The following STPG2 variants were observed in gnomAD, a reference collection of about 807,000 sequenced individuals.
The protein encoded by STPG2 is sperm tail PG-rich repeat containing 2, also known as sperm-tail PG-rich repeat-containing protein 2.
In STPG2, 56 loss-of-function variants were observed where a neutral mutation model predicts 54.2. The ratio of observed to expected loss-of-function variants is 1.03; its 90% CI spans 0.83 to 1.29. The LOEUF is 1.29. STPG2 is among the 50% of genes most tolerant of loss of function. The pLI, the probability that STPG2 is intolerant of heterozygous loss-of-function variation, is 0.00. For missense variants in STPG2, 596 were observed against 544.9 expected (o/e 1.09, Z -0.93); for synonymous variants, 200 against 181.8 (o/e 1.10, Z -0.81).
At chr4:97,987,186 A>G (rs1259579153) in intron 5 of STPG2, among the ~76,000 whole-genome samples, 1 of 152,198 alleles carries the variant, frequency 6.6e-6, no homozygotes, top group Non-Finnish European at 1.5e-5. Flanking sequence ...TTAGCAAAGC[A>G]GCCCTTGAAC....
chr4:97,774,854 C>T (rs1246347201), intron 9 of STPG2, among the ~76,000 whole-genome samples: 1 of 152,096 alleles, frequency 6.6e-6, no homozygotes. Context: ...AAAATGGCTA[C>T]TGAGGTTCCA....
chr4:97,634,804 G>T (rs1241653577), intron 10 of STPG2, among the ~76,000 whole-genome samples: 1 of 151,666 alleles, frequency 6.6e-6, no homozygotes, highest in African/African-American at 2.4e-5. Flanking sequence ...AGAATAAAAA[G>T]AAATGAGCAA....
chr4:97,981,991 T>C (rs1193248604), intron 5 of STPG2, among the ~76,000 whole-genome samples: 2 of 151,596 alleles, frequency 1.3e-5, no homozygotes, highest in African/African-American at 2.4e-5. Context: ...TTCACACCAT[T>C]TTCCCGCCTC....
At position 97,486,829 on chromosome 4, in the gene STPG2, G is replaced by GTGTA. The variant is rs1490371230; in HGVS notation, c.462+225869_462+225870insTACA. On this transcript the variant is annotated intron_variant, in intron 4 of 4. Transcript: ENST00000522676. ...GGTGTGTGTGTGTGTGTGTGTGTGT[G>GTGTA]TATATATATATATATATATGTATGT... Among the ~76,000 whole-genome samples the GTGTA allele has an allele frequency of 5.9e-3, 532 of 90,242 alleles. 3 individuals are homozygous for GTGTA. Among genetic ancestry groups the GTGTA allele is most frequent in the East Asian group, 0.044 (136 of 3,084 alleles). The allele number at this position is 90,242 out of a possible 152,430, so 59.2% of individuals were successfully genotyped here. A position where few individuals can be genotyped will look rare whatever the true frequency, so the allele number is the denominator to read the frequency against.
At chr4:97,863,554 T>C (rs555601181) in intron 8 of STPG2, among the ~76,000 whole-genome samples, 7 of 152,210 alleles carry the variant, frequency 4.6e-5, no homozygotes, top group Non-Finnish European at 1.0e-4. Flanking sequence ...TCTGAAATTA[T>C]TCCAGTCAAT....
intron 5 of STPG2, among the ~76,000 whole-genome samples, chr4:98,074,598 T>C (rs1738102642): frequency 6.6e-6 from 1 of 152,170 alleles, no homozygotes. Flanking sequence ...TTCTATACCT[T>C]CTATTCTTTT....
intron 8 of STPG2, among the ~76,000 whole-genome samples, chr4:97,907,092 C>T (rs143177597): frequency 0.026 from 3,981 of 151,986 alleles, 161 homozygotes; most frequent in African/African-American, 0.088. Context: ...TGTTTGCAGA[C>T]GACATGATTG....
intron 8 of STPG2, among the ~76,000 whole-genome samples, chr4:97,908,536 A>T (rs1731542192): frequency 6.6e-6 from 1 of 152,042 alleles, no homozygotes; most frequent in Non-Finnish European, 1.5e-5. Flanking sequence ...AAGGATTATA[A>T]ATCATGCTGC....
At chr4:97,841,055 C>A in intron 8 of STPG2, 123 bp from the exon 9 acceptor site, 1 of 922,546 alleles carries the variant, frequency 1.1e-6, no homozygotes, top group Non-Finnish European at 1.5e-6. Flanking sequence ...ATTAATTAAA[C>A]ATTAAAAATA....
intron 5 of STPG2, among the ~76,000 whole-genome samples, chr4:98,027,014 G>A (rs990349870): frequency 6.6e-6 from 1 of 152,142 alleles, no homozygotes; most frequent in African/African-American, 2.4e-5. Context: ...TCACCAGGTT[G>A]TGCCCTCTGG....
chr4:97,699,255 C>A (rs530492178), intron 10 of STPG2, among the ~76,000 whole-genome samples: 1 of 152,320 alleles, frequency 6.6e-6, no homozygotes, highest in Non-Finnish European at 1.5e-5. Context: ...ATCACTGCCA[C>A]CATGGCCACT....
intron 9 of STPG2, among the ~76,000 whole-genome samples, chr4:97,822,271 C>T (rs1054592607): frequency 1.3e-5 from 2 of 152,174 alleles, no homozygotes; most frequent in African/African-American, 2.4e-5. Context: ...ACATTTGCTC[C>T]AGTTCTTAAT....
intron 10 of STPG2, among the ~76,000 whole-genome samples, chr4:97,670,909 C>T (rs983801367): frequency 1.3e-5 from 2 of 152,188 alleles, no homozygotes; most frequent in South Asian, 2.1e-4. Context: ...TAAGGAAATG[C>T]AGGGAGCTGT....
chr4:97,542,731 C>T (rs895817409), intron 4 of STPG2, among the ~76,000 whole-genome samples: 1 of 152,078 alleles, frequency 6.6e-6, no homozygotes, highest in East Asian at 1.9e-4. Context: ...AAATGTCCAA[C>T]AATGATAGAC....
chr4:97,837,152 C>T (rs1728658358), intron 9 of STPG2, among the ~76,000 whole-genome samples: 1 of 151,464 alleles, frequency 6.6e-6, no homozygotes, highest in African/African-American at 2.4e-5. Flanking sequence ...CCATTTAGGA[C>T]ATTTTGGAGT....
chr4:98,111,976 A>C (rs1739374591), intron 3 of STPG2, among the ~76,000 whole-genome samples: 1 of 151,952 alleles, frequency 6.6e-6, no homozygotes, highest in African/African-American at 2.4e-5. Context: ...TTGGACTAAG[A>C]GTTATACCAT....
chr4:97,520,197 T>C (rs950806304), intron 4 of STPG2, among the ~76,000 whole-genome samples: 2 of 152,004 alleles, frequency 1.3e-5, no homozygotes, highest in Non-Finnish European at 2.9e-5. Context: ...GAAATAATTG[T>C]ATAGAGGAGA....
At chr4:97,931,653 G>T (rs1039955537) in intron 8 of STPG2, among the ~76,000 whole-genome samples, 37 of 64,956 alleles carry the variant, frequency 5.7e-4, no homozygotes, top group Admixed American at 2.7e-3. Flanking sequence ...TTTGTTTTTG[G>T]TTTTTTTGTT....
rs775147402 is a variant in STPG2, at chr4:97,559,029, G to GT, written c.*28dup. 2 of 1,544,610 alleles carry GT rather than the reference G, an allele frequency of 1.3e-6. No homozygotes were observed. The highest frequency in any genetic ancestry group is 1.8e-6 in the Non-Finnish European group (2 of 1,134,066). ...GAAATAAACTGACTTCCATGAAGTT[G>GT]TTTTTTAAGTTTTTGCCATAAATTT... is the stretch of plus-strand genomic sequence containing the variant. On this transcript the variant is annotated 3_prime_UTR_variant, in exon 11 of 11. Coordinates refer to ENST00000295268, the MANE Select transcript of STPG2 (RefSeq NM_174952.3).
Sources: gnomAD v4.1 joint callset for allele counts (sites outside exome capture counted in the v4.1 genomes callset) on GRCh38, gnomAD v4.1.1 for gene constraint, MANE v1.5 for transcripts, NCBI Gene and HGNC (gene_info 2026-07-23, HGNC 2026-07-21) for gene names.